The following ZNF536 variants were observed in gnomAD, a reference collection of about 807,000 sequenced individuals.
The protein encoded by ZNF536 is zinc finger protein 536.
Under a neutral mutation model 84.5 loss-of-function variants are expected in ZNF536, and 13 were observed. That is an observed-to-expected ratio of 0.15 (90% CI 0.10 to 0.24). The LOEUF (loss-of-function observed/expected upper bound fraction) is 0.24, where lower values mean the gene tolerates loss of function less well. Ranked by LOEUF, ZNF536 falls within the 10% of genes least tolerant of loss-of-function variation. ZNF536 has a pLI of 1.00. For synonymous variants in ZNF536, 811 were observed against 742.5 expected (o/e 1.09, Z -1.50); for missense variants, 1,536 against 1,747.5 (o/e 0.88, Z 2.16).
At chr19:30,559,565 T>C (rs1568554434), downstream of ZNF536, among the ~76,000 whole-genome samples, 2 of 152,194 alleles carry the variant, frequency 1.3e-5, no homozygotes, top group Non-Finnish European at 2.9e-5. Context: ...TTGCCGGTCA[T>C]GTACACCCCG....
intron 2 of ZNF536, among the ~76,000 whole-genome samples, chr19:30,321,643 C>A (rs965507149): frequency 1.3e-5 from 2 of 151,086 alleles, no homozygotes; most frequent in African/African-American, 4.9e-5. Context: ...TCAAAGTGCC[C>A]TTAATTACCC....
intron 1 of ZNF536, among the ~76,000 whole-genome samples, chr19:30,235,912 G>T (rs560662778): frequency 1.3e-5 from 2 of 152,230 alleles, no homozygotes; most frequent in Non-Finnish European, 2.9e-5. Context: ...AATCTGCACC[G>T]AGCAGAGAGC....
Position 30,490,176 on chromosome 19 carries a change from A to G in ZNF536, c.2170+44444A>G, listed in dbSNP as rs118111291. On this transcript the variant is annotated intron_variant, in intron 2 of 4. Coordinates refer to ENST00000355537, the MANE Select transcript of ZNF536 (RefSeq NM_014717.3). Reference sequence around the variant, plus strand: ...CATTGCTAACTTTTTTTTTTAACCAAGTTGACCAGTTGTTAGACCAGAAAA... The same window carrying G: ...CATTGCTAACTTTTTTTTTTAACCAGGTTGACCAGTTGTTAGACCAGAAAA... Among the ~76,000 whole-genome samples the G allele has an allele frequency of 1.1e-3, 170 of 152,252 alleles. No individual in the cohort carries two copies. In the East Asian group the frequency reaches 0.028, roughly 25 times the overall value.
At chr19:30,349,262 G>A (rs117828765) in intron 2 of ZNF536, among the ~76,000 whole-genome samples, 3,446 of 152,356 alleles carry the variant, frequency 0.023, 56 homozygotes, top group Middle Eastern at 0.037. Flanking sequence ...GATTGGGTAA[G>A]TAGAGCATTC....
chr19:30,637,242 C>A (rs2049100463), intron 1 of ZNF536, among the ~76,000 whole-genome samples: 1 of 152,220 alleles, frequency 6.6e-6, no homozygotes, highest in Non-Finnish European at 1.5e-5. Flanking sequence ...ATACAGGCCT[C>A]TTTTCAACCC....
At chr19:30,268,639 CTG>C (rs1231009027) in intron 1 of ZNF536, among the ~76,000 whole-genome samples, 2 of 152,224 alleles carry the variant, frequency 1.3e-5, no homozygotes, top group Non-Finnish European at 2.9e-5. Flanking sequence ...TTCAACTTGA[CTG>C]TTTTATTTAT....
chr19:30,534,877 G>C lies in ZNF536; in HGVS notation c.2201G>C (p.Gly734Ala), dbSNP rs376861690. ...GGCGAGGAGGCTGGGAGATCTGCCGGCGTCCAGCAACCAGCGCTGCTTCGC... is the reference window on the plus strand; with the variant it reads ...GGCGAGGAGGCTGGGAGATCTGCCGCCGTCCAGCAACCAGCGCTGCTTCGC... ...DIGEEAGRSA[G>A]VQQPALLRDR... Residue 734 changes from glycine (G) to alanine (A), a missense_variant, in exon 3 of 5, where the codon GGC becomes GCC. Coordinates refer to ENST00000355537, the MANE Select transcript of ZNF536 (RefSeq NM_014717.3). The C allele has an allele frequency of 2.0e-4, 328 of 1,613,322 alleles. No individual in the cohort carries two copies. The highest frequency in any genetic ancestry group is 2.6e-4 in the Non-Finnish European group (312 of 1,179,538).
intron 3 of ZNF536, among the ~76,000 whole-genome samples, chr19:30,535,933 G>T (rs901724014): frequency 9.3e-5 from 14 of 150,290 alleles, no homozygotes; most frequent in African/African-American, 1.5e-4. Context: ...GGCATCGCGT[G>T]GGGGGAGACA....
chr19:30,380,688 G>C (rs910874299), intron 1 of ZNF536, among the ~76,000 whole-genome samples: 1 of 152,138 alleles, frequency 6.6e-6, no homozygotes, highest in African/African-American at 2.4e-5. Context: ...GTGAGAGGGA[G>C]GAAGCTGTGT....
rs369355319 is a variant in ZNF536 at position 30,237,355 on chromosome 19, G to A, written c.-190+8682G>A. ...CACTTCTGGTAGAGGTTGGCCTCCC[G>A]TGGAGGCCATTGTGAAAGGGCCAGG... On this transcript the variant is annotated intron_variant, in intron 1 of 5. Transcript: ENST00000585628. Among the ~76,000 whole-genome samples the A allele has an allele frequency of 4.1e-4, 62 of 152,262 alleles. No homozygotes were observed. The East Asian group carries it at 7.1e-3, about 18-fold the overall frequency.
chr19:30,372,748 A>G (rs1472556250), intron 1 of ZNF536, among the ~76,000 whole-genome samples, 192 bp downstream of exon 1: 1 of 152,158 alleles, frequency 6.6e-6, no homozygotes, highest in East Asian at 1.9e-4. Context: ...ATAGCCCTTT[A>G]AATTTATTAT....
chr19:30,291,192 G>A (rs2045828904), intron 2 of ZNF536, among the ~76,000 whole-genome samples: 1 of 152,046 alleles, frequency 6.6e-6, no homozygotes, highest in South Asian at 2.1e-4. Flanking sequence ...TAATCCTTTG[G>A]GTATATATCC....
chr19:30,362,718 C>T (rs971832275), intron 3 of ZNF536, among the ~76,000 whole-genome samples: 2 of 152,162 alleles, frequency 1.3e-5, no homozygotes, highest in Non-Finnish European at 2.9e-5. Flanking sequence ...TTTCTTTCTC[C>T]TCCCCACAAA....
chr19:30,610,527 A>T (rs146176083), intron 1 of ZNF536, among the ~76,000 whole-genome samples: 88 of 152,282 alleles, frequency 5.8e-4, no homozygotes, highest in African/African-American at 2.1e-3. Flanking sequence ...TCCTGGGGTG[A>T]GGTATTCCCA....
intron 1 of ZNF536, among the ~76,000 whole-genome samples, chr19:30,670,274 G>C (rs896239851): frequency 6.6e-6 from 1 of 152,210 alleles, no homozygotes; most frequent in East Asian, 1.9e-4. Flanking sequence ...CTTCTCATTC[G>C]CTTAGTGCAC....
At chr19:30,623,315 T>TA (rs1179399982) in intron 1 of ZNF536, among the ~76,000 whole-genome samples, 3 of 152,246 alleles carry the variant, frequency 2.0e-5, no homozygotes, top group African/African-American at 4.8e-5. Flanking sequence ...CCCTGGGTAC[T>TA]ATTTTCAGCA....
intron 2 of ZNF536, among the ~76,000 whole-genome samples, chr19:30,506,832 C>A (rs1411832284): frequency 1.3e-5 from 2 of 152,184 alleles, no homozygotes; most frequent in Non-Finnish European, 2.9e-5. Context: ...GTGATCATTG[C>A]AGAAGGGTAT....
At chr19:30,581,734 A>G (rs1200716853) in intron 1 of ZNF536, among the ~76,000 whole-genome samples, 2 of 151,560 alleles carry the variant, frequency 1.3e-5, no homozygotes, top group Non-Finnish European at 2.9e-5. Context: ...TCAGGAGTTC[A>G]AGACCAGCCT....
At chr19:30,418,687 A>T (rs775966399) in intron 1 of ZNF536, among the ~76,000 whole-genome samples, 1 of 152,186 alleles carries the variant, frequency 6.6e-6, no homozygotes, top group African/African-American at 2.4e-5. Flanking sequence ...AAGGGTGTCT[A>T]TGATGATGTG....
Sources: allele counts gnomAD v4.1 joint callset (sites outside exome capture counted in the v4.1 genomes callset), GRCh38; gene constraint gnomAD v4.1.1; transcripts MANE v1.5; gene names NCBI Gene and HGNC (gene_info 2026-07-23, HGNC 2026-07-21).